The following DNAI7 variants were observed in gnomAD, a reference collection of about 807,000 sequenced individuals.
DNAI7 encodes the protein dynein axonemal intermediate chain 7, also known as cancer susceptibility 1.
Under a neutral mutation model 86.6 loss-of-function variants are expected in DNAI7, and 78 were observed. The observed-to-expected ratio is 0.90, with a 90% CI of 0.75 to 1.09. The LOEUF (loss-of-function observed/expected upper bound fraction) is 1.09. DNAI7 is among the 50% of genes least tolerant of loss of function. The pLI, the probability that DNAI7 is intolerant of heterozygous loss-of-function variation, is 0.00. For synonymous variants in DNAI7, 274 were observed against 273.0 expected, an observed-to-expected ratio of 1.00 and a Z score of -0.04; for missense variants, 753 against 810.2, an observed-to-expected ratio of 0.93 and a Z score of 0.86.
At chr12:25,130,392 C>A (rs1460884367) in intron 9 of DNAI7, among the ~76,000 whole-genome samples, 1 of 151,976 alleles carries the variant, frequency 6.6e-6, no homozygotes, top group Non-Finnish European at 1.5e-5. Context: ...AAAAAATTAG[C>A]CGGGCGCGGG....
intron 2 of DNAI7, among the ~76,000 whole-genome samples, chr12:25,184,860 T>A (rs146815327): frequency 6.6e-6 from 1 of 151,362 alleles, no homozygotes; most frequent in Non-Finnish European, 1.5e-5. Flanking sequence ...GGACTGGGCA[T>A]GGTGACTCAT....
In DNAI7 at chr12:25,155,437, G is replaced by C. The variant is rs1946047650; in HGVS notation, c.199-25C>G. ...CCTGTTGCACAAGGACAGATACATTGATCAGCTCTTTAATTTTAACTTTAT... is the reference window on the plus strand; with the variant it reads ...CCTGTTGCACAAGGACAGATACATTCATCAGCTCTTTAATTTTAACTTTAT... On this transcript the variant is annotated intron_variant, in intron 4 of 15. Coordinates refer to ENST00000395987, the MANE Select transcript of DNAI7 (RefSeq NM_018272.5). The C allele has an allele frequency of 2.4e-6, 3 of 1,257,658 alleles. No homozygotes were observed. In the East Asian group the frequency reaches 7.2e-5, roughly 30 times the overall value. 77.9% of individuals were successfully genotyped at this position (1,257,658 alleles called of 1,614,324 possible).
chr12:25,124,714 TCAC>T (rs1941860201), intron 9 of DNAI7, among the ~76,000 whole-genome samples: 1 of 152,158 alleles, frequency 6.6e-6, no homozygotes, highest in Admixed American at 6.5e-5. Flanking sequence ...GATTATCTCA[TCAC>T]CTAGGTATGA....
chr12:25,163,882 C>T (rs906105048), intron 2 of DNAI7, among the ~76,000 whole-genome samples: 3 of 152,138 alleles, frequency 2.0e-5, no homozygotes, highest in Non-Finnish European at 2.9e-5. Flanking sequence ...AATTTCAGTT[C>T]CTTTTCTTTT....
At position 25,158,059 on chromosome 12, in the gene DNAI7, C is replaced by T. The variant is rs547554739; in HGVS notation, c.198+413G>A. On this transcript the variant is annotated intron_variant, in intron 4 of 15. Transcript: ENST00000395987. ...CCTGGCTAACAAGGTGAAACCCTATCTCTACTAAAAGTACAAAAAATTAGC... is the reference window on the plus strand; with the variant it reads ...CCTGGCTAACAAGGTGAAACCCTATTTCTACTAAAAGTACAAAAAATTAGC... Among the ~76,000 whole-genome samples, 127 of 152,156 alleles carry T rather than the reference C, an allele frequency of 8.3e-4. 1 individual carries two copies. Among genetic ancestry groups the T allele is most frequent in the African/African-American group, 3.0e-3 (123 of 41,500 alleles).
rs1184014933 is a variant in DNAI7 at position 25,195,060 on chromosome 12, C to T, written c.3+16G>A. On this transcript the variant is annotated intron_variant, in intron 1 of 15. Transcript: ENST00000395987. ...TGGTCGCCCCTCCACCTGTCTGCCT[C>T]ATTTGCCTTGCTCACCATTAAGAGT... The T allele has an allele frequency of 1.1e-5, 18 of 1,614,234 alleles. No individual in the cohort carries two copies. In the Admixed American group the frequency reaches 1.8e-4, roughly 16 times the overall value.
rs140817565 is a variant in DNAI7 at position 25,169,503 on chromosome 12, C to T, written c.22-8306G>A. ...AAGCCTGTTTGGTGGTCTCTTCACA[C>T]GGACGAGAGTGAAACTAACATTGAA... On this transcript the variant is annotated intron_variant, in intron 2 of 15. Transcript: ENST00000395987. Among the ~76,000 whole-genome samples the T allele has an allele frequency of 6.3e-3, 960 of 152,252 alleles. 10 individuals carry two copies. Among genetic ancestry groups the T allele is most frequent in the African/African-American group, 0.021 (886 of 41,548 alleles).
At chr12:25,175,261 TAGA>T (rs1948828280) in intron 2 of DNAI7, among the ~76,000 whole-genome samples, 1 of 152,136 alleles carries the variant, frequency 6.6e-6, no homozygotes, top group Non-Finnish European at 1.5e-5. Flanking sequence ...ACTGAAAAAA[TAGA>T]AGTTTTCAGA....
At chr12:25,131,021 T>C (rs1473620151) in intron 9 of DNAI7, among the ~76,000 whole-genome samples, 2 of 152,186 alleles carry the variant, frequency 1.3e-5, no homozygotes, top group East Asian at 1.9e-4. Flanking sequence ...ACATAACTCA[T>C]ATGTTCTGGG....
In DNAI7 at chr12:25,110,475, T is replaced by C. The variant is rs58164474; in HGVS notation, c.1780-235A>G. Reference sequence around the variant, plus strand: ...ACATCCCTACTCCCGACTCCACATATACCCCATTACCTGCCGACCTCTTTT... The same window carrying C: ...ACATCCCTACTCCCGACTCCACATACACCCCATTACCTGCCGACCTCTTTT... On this transcript the variant is annotated intron_variant, in intron 14 of 15. Transcript: ENST00000395987. 3.3e-3 allele frequency among the ~76,000 whole-genome samples: 505 copies of C among 152,256 alleles called. 3 individuals carry two copies. Among genetic ancestry groups the C allele is most frequent in the African/African-American group, 0.011 (471 of 41,554 alleles).
chr12:25,162,369 T>C (rs1946931461), intron 2 of DNAI7, among the ~76,000 whole-genome samples: 1 of 152,174 alleles, frequency 6.6e-6, no homozygotes, highest in Non-Finnish European at 1.5e-5. Flanking sequence ...AAAATGCTGG[T>C]AGATCATTCA....
At position 25,146,549 on chromosome 12, in the gene DNAI7, G is replaced by A. The variant is rs972351966; in HGVS notation, c.689+452C>T. 4.1e-5 allele frequency among the ~76,000 whole-genome samples: 6 copies of A among 146,146 alleles called. No homozygotes were observed. The East Asian group carries it at 1.0e-3, about 25-fold the overall frequency. ...TAGGAGGCAAAGGCTGTAGTGAGCCGAGATCACACCACTGCACTCCAGCCT... is the reference window on the plus strand; with the variant it reads ...TAGGAGGCAAAGGCTGTAGTGAGCCAAGATCACACCACTGCACTCCAGCCT... On this transcript the variant is annotated intron_variant, in intron 8 of 15. Coordinates refer to ENST00000395987, the MANE Select transcript of DNAI7 (RefSeq NM_018272.5).
In DNAI7 at chr12:25,190,001, A is replaced by C. The variant is rs896683648; in HGVS notation, c.21+613T>G. On this transcript the variant is annotated intron_variant, in intron 2 of 15. Coordinates refer to ENST00000395987, the MANE Select transcript of DNAI7 (RefSeq NM_018272.5). ...TTGGCAACTGATTTAAAAAAAAAAA[A>C]AAAAAAAGCACTTCTAAGGTCAAAC... 6.4e-4 allele frequency among the ~76,000 whole-genome samples: 28 copies of C among 43,930 alleles called. 1 individual carries two copies. Among genetic ancestry groups the C allele is most frequent in the African/African-American group, 1.8e-3 (27 of 15,328 alleles). 28.8% of individuals were successfully genotyped at this position (43,930 alleles called of 152,430 possible).
At chr12:25,146,209 C>A (rs1378206308) in intron 8 of DNAI7, among the ~76,000 whole-genome samples, 1 of 149,126 alleles carries the variant, frequency 6.7e-6, no homozygotes, top group Non-Finnish European at 1.5e-5. Flanking sequence ...GCAACAAGAG[C>A]CAAACTCTGT....
chr12:25,134,942 C>T (rs371271836), intron 9 of DNAI7, among the ~76,000 whole-genome samples: 1 of 152,114 alleles, frequency 6.6e-6, no homozygotes, highest in Admixed American at 6.5e-5. Context: ...AAAAGTATTG[C>T]CATTTAGGAA....
intron 3 of DNAI7, among the ~76,000 whole-genome samples, chr12:25,159,791 GA>G (rs1018136380): frequency 6.6e-6 from 1 of 151,272 alleles, no homozygotes; most frequent in African/African-American, 2.4e-5. Context: ...AGGAGTCACC[GA>G]AAAAAAAGGA....
chr12:25,171,333 T>C (rs1446837668), intron 2 of DNAI7, among the ~76,000 whole-genome samples: 1 of 152,150 alleles, frequency 6.6e-6, no homozygotes, highest in African/African-American at 2.4e-5. Context: ...CATTCAAGGC[T>C]ACTATGAACA....
At chr12:25,108,892 T>G (rs1033167110) in intron 15 of DNAI7, 69 bp from the exon 16 acceptor site, 2 of 996,658 alleles carry the variant, frequency 2.0e-6, no homozygotes, top group African/African-American at 3.2e-5. Flanking sequence ...GGTAGCAGAT[T>G]ATTATTTGAA....
Position 25,108,839 on chromosome 12 carries a change from A to AAAAAAAAAAAAAAAAAAC in DNAI7, c.1894-17_1894-16insGTTTTTTTTTTTTTTTTT. ...GTTCCCTCACCTAAAAAAAAAAAAA[A>AAAAAAAAAAAAAAAAAAC]TTCAAGCAAGTTGTTAATAATTCCT... On this transcript the variant is annotated splice_polypyrimidine_tract_variant and intron_variant, in intron 15 of 15. Coordinates refer to ENST00000395987, the MANE Select transcript of DNAI7 (RefSeq NM_018272.5). The AAAAAAAAAAAAAAAAAAC allele has an allele frequency of 9.0e-7, 1 of 1,112,048 alleles. No individual in the cohort carries two copies. The highest frequency in any genetic ancestry group is 1.2e-6 in the Non-Finnish European group (1 of 814,768). The allele number at this position is 1,112,048 out of a possible 1,614,324, so 68.9% of individuals were successfully genotyped here. A position where few individuals can be genotyped will look rare whatever the true frequency, so the allele number is the denominator to read the frequency against.
Sources: allele counts gnomAD v4.1 joint callset (sites outside exome capture counted in the v4.1 genomes callset), GRCh38; gene constraint gnomAD v4.1.1; transcripts MANE v1.5; gene names NCBI Gene and HGNC (gene_info 2026-07-23, HGNC 2026-07-21).